Variants in HSD17B14 observed in about 807,000 individuals in gnomAD.
HSD17B14 encodes L-fucose dehydrogenase.
Under a neutral mutation model 32.2 loss-of-function variants are expected in HSD17B14, and 32 were observed. The ratio of observed to expected loss-of-function variants is 0.99; its 90% confidence interval spans 0.75 to 1.33. HSD17B14 has a LOEUF of 1.33. Ranked by LOEUF, HSD17B14 falls within the 40% of genes most tolerant of loss-of-function variation. The pLI is 0.00. For synonymous variants in HSD17B14, 140 were observed against 155.4 expected, an observed-to-expected ratio of 0.90 and a Z score of 0.74; for missense variants, 370 against 366.5, an observed-to-expected ratio of 1.01 and a Z score of -0.08.
chr19:48,817,961 T>G (rs554433401), intron 5 of HSD17B14, among the ~76,000 whole-genome samples: 1 of 152,312 alleles, frequency 6.6e-6, no homozygotes, highest in South Asian at 2.1e-4. Context: ...CATTTGCTGC[T>G]GGACAGGCTG....
intron 5 of HSD17B14, among the ~76,000 whole-genome samples, chr19:48,820,564 C>G (rs1354158194): frequency 1.3e-5 from 2 of 149,472 alleles, no homozygotes; most frequent in Non-Finnish European, 3.0e-5. Flanking sequence ...GAGTCTCGCT[C>G]TGTCTTGCCC....
intron 5 of HSD17B14, among the ~76,000 whole-genome samples, chr19:48,823,643 CT>C (rs200691592): frequency 0.024 from 3,429 of 143,576 alleles, 127 homozygotes; most frequent in African/African-American, 0.083. Context: ...TTTTTTCTTT[CT>C]TTTTTTTTTT....
At chr19:48,826,003 G>C (rs2035239020) in intron 5 of HSD17B14, among the ~76,000 whole-genome samples, 1 of 151,766 alleles carries the variant, frequency 6.6e-6, no homozygotes, top group Non-Finnish European at 1.5e-5. Context: ...TGTATTTTTA[G>C]TAGAGATGGG....
intron 5 of HSD17B14, among the ~76,000 whole-genome samples, chr19:48,826,498 A>G (rs1232107867): frequency 2.5e-5 from 3 of 119,048 alleles, no homozygotes; most frequent in Non-Finnish European, 3.5e-5. Context: ...TCTCAAAAAA[A>G]AAAAAAAAAA....
intron 5 of HSD17B14, among the ~76,000 whole-genome samples, chr19:48,817,388 A>G (rs1257379790): frequency 1.3e-5 from 2 of 151,822 alleles, no homozygotes; most frequent in African/African-American, 2.4e-5. Flanking sequence ...CATGTTAGCC[A>G]GGCTGGTCTT....
chr19:48,836,204 G>A (rs571083928), intron 1 of HSD17B14, 120 bp downstream of exon 1: 2 of 1,049,008 alleles, frequency 1.9e-6, no homozygotes, highest in South Asian at 1.4e-5. Context: ...CTGCAAATTG[G>A]CTTTTATAAT....
Position 48,813,150 on chromosome 19 carries a change from G to A in HSD17B14, c.*25C>T. ...TTGGGGTGGGAGAGTCCTAGGAAGG[G>A]GGCCCCAAGTAGAAATGAGAGAAAT... On this transcript the variant is annotated 3_prime_UTR_variant, in exon 9 of 9. Transcript: ENST00000263278. 1.3e-6 allele frequency: 2 copies of A among 1,551,632 alleles called. No homozygotes were observed. Among genetic ancestry groups the A allele is most frequent in the Non-Finnish European group, 1.7e-6 (2 of 1,144,584 alleles).
At chr19:48,836,106 C>T (rs2122826931) in intron 1 of HSD17B14, among the ~76,000 whole-genome samples, 1 of 152,264 alleles carries the variant, frequency 6.6e-6, no homozygotes, top group East Asian at 1.9e-4. Context: ...TTTGTAGCTA[C>T]ACCAACAGAC....
At position 48,836,357 on chromosome 19, in the gene HSD17B14, G is replaced by T. The variant is rs535974888; in HGVS notation, c.55C>A (p.Arg19Ser). 6.0e-5 allele frequency: 97 copies of T among 1,612,602 alleles called. 1 individual carries two copies. The South Asian group carries it at 1.0e-3, about 17-fold the overall frequency. The change falls in exon 1 of 9, where the codon CGC (arginine) becomes AGC (serine). Residue 19 changes from arginine to serine, a missense_variant. Physicochemically the swap from Arg to Ser is moderately radical, Grantham distance 110. Coordinates refer to ENST00000263278, the MANE Select transcript of HSD17B14 (RefSeq NM_016246.3). ...CGCACGATCCCAGCTCCGATGCCGCGCCCGCCCCCGGTCACGACCACCACC... is the reference window on the plus strand; with the variant it reads ...CGCACGATCCCAGCTCCGATGCCGCTCCCGCCCCCGGTCACGACCACCACC... The part of the protein sequence containing the change: ...GKVVVVTGGG[R>S]GIGAGIVRAF...
chr19:48,828,526 G>A (rs2035287730), intron 5 of HSD17B14, among the ~76,000 whole-genome samples: 1 of 152,122 alleles, frequency 6.6e-6, no homozygotes, highest in Non-Finnish European at 1.5e-5. Context: ...GCTGATACAA[G>A]AGGATCACTT....
intron 5 of HSD17B14, among the ~76,000 whole-genome samples, chr19:48,829,787 G>A (rs1485784058): frequency 2.0e-5 from 3 of 151,290 alleles, no homozygotes; most frequent in Admixed American, 1.3e-4. Context: ...GGGATTATAG[G>A]CATGTGCCAC....
At chr19:48,819,850 C>T (rs527480877) in intron 5 of HSD17B14, among the ~76,000 whole-genome samples, 88 of 152,298 alleles carry the variant, frequency 5.8e-4, no homozygotes, top group African/African-American at 2.0e-3. Flanking sequence ...ATCTCCAGCA[C>T]CTATAACACT....
At chr19:48,818,300 G>C (rs2035089412) in intron 5 of HSD17B14, among the ~76,000 whole-genome samples, 1 of 131,860 alleles carries the variant, frequency 7.6e-6, no homozygotes, top group African/African-American at 3.0e-5. Context: ...AGCAGATAAA[G>C]ACTGTCTCAA....
chr19:48,835,419 A>T, intron 2 of HSD17B14, among the ~76,000 whole-genome samples: 1 of 112,098 alleles, frequency 8.9e-6, no homozygotes, highest in African/African-American at 3.6e-5. Flanking sequence ...GGGGGCCTGG[A>T]CTCCTGGGTC....
intron 5 of HSD17B14, among the ~76,000 whole-genome samples, chr19:48,819,190 T>C (rs1307850469): frequency 6.6e-6 from 1 of 152,146 alleles, no homozygotes; most frequent in Non-Finnish European, 1.5e-5. Context: ...GGTTTCTCCA[T>C]GTTGGCCAGA....
At chr19:48,821,177 T>A (rs2035142206) in intron 5 of HSD17B14, among the ~76,000 whole-genome samples, 1 of 152,010 alleles carries the variant, frequency 6.6e-6, no homozygotes, top group South Asian at 2.1e-4. Context: ...CACGCCCAGC[T>A]AATTTTTTGT....
chr19:48,820,823 C>G (rs960430798), intron 5 of HSD17B14, among the ~76,000 whole-genome samples: 6 of 150,566 alleles, frequency 4.0e-5, no homozygotes, highest in African/African-American at 1.5e-4. Context: ...GGCAATATGG[C>G]GAGACCCCAT....
chr19:48,814,826 G>A (rs1242807848), intron 6 of HSD17B14, among the ~76,000 whole-genome samples: 4 of 147,236 alleles, frequency 2.7e-5, no homozygotes, highest in East Asian at 3.9e-4. Flanking sequence ...GTGACAGAGC[G>A]AGACTCCATC....
At chr19:48,816,597 GCTC>G (rs781566853) in intron 5 of HSD17B14, among the ~76,000 whole-genome samples, 1 of 152,048 alleles carries the variant, frequency 6.6e-6, no homozygotes, top group African/African-American at 2.4e-5. Flanking sequence ...CACTCCCTCA[GCTC>G]CCTCAAACCC....
Sources: gnomAD v4.1 joint callset for allele counts (sites outside exome capture counted in the v4.1 genomes callset) on GRCh38, gnomAD v4.1.1 for gene constraint, MANE v1.5 for transcripts, NCBI Gene and HGNC (gene_info 2026-07-23, HGNC 2026-07-21) for gene names.